The following GSTA3 variants were observed in gnomAD, a reference collection of about 807,000 sequenced individuals.
GSTA3 encodes the protein glutathione S-transferase alpha 3, also known as glutathione S-transferase A3.
A neutral mutation model predicts 23.1 loss-of-function variants in GSTA3; 16 were observed. That is an observed-to-expected ratio of 0.69 (90% CI 0.47 to 1.05). The LOEUF (loss-of-function observed/expected upper bound fraction) is 1.05. Ranked by LOEUF, GSTA3 falls within the 50% of genes least tolerant of loss-of-function variation. The probability of loss-of-function intolerance (pLI) is 0.00; values close to 1 mark genes in which losing one functional copy is unlikely to be tolerated. For synonymous variants in GSTA3, 122 were observed against 91.0 expected (o/e 1.34, Z -1.94); for missense variants, 319 against 263.6 (o/e 1.21, Z -1.46).
In GSTA3 at chr6:52,896,789, C is replaced by G. The variant is rs185262489; in HGVS notation, c.*17G>C. On this transcript the variant is annotated 3_prime_UTR_variant, in exon 7 of 7. Transcript: ENST00000211122. The stretch of plus-strand genomic sequence containing the variant: ...GAATATTGGTCTTGCATGTTCTTAG[C>G]CTCCATGGCTGCTTTATTAAAACCT... 273 of 1,613,544 alleles carry G rather than the reference C, an allele frequency of 1.7e-4. 3 individuals carry two copies. The Admixed American group carries it at 4.4e-3, about 26-fold the overall frequency.
intron 4 of GSTA3, 115 bp downstream of exon 4, chr6:52,902,231 C>A (rs1765711040): frequency 2.3e-6 from 3 of 1,326,254 alleles, no homozygotes; most frequent in Non-Finnish European, 3.2e-6. Flanking sequence ...AGTATACACG[C>A]CCAAGGCCCA....
At chr6:52,900,266 T>C (rs1431321961) in intron 4 of GSTA3, among the ~76,000 whole-genome samples, 191 bp from the exon 5 acceptor site, 5 of 135,398 alleles carry the variant, frequency 3.7e-5, no homozygotes, top group Non-Finnish European at 7.6e-5. Flanking sequence ...TTCTTTTTCT[T>C]TTTTTTTTTT....
intron 3 of GSTA3, among the ~76,000 whole-genome samples, chr6:52,903,358 C>G (rs555205896): frequency 1.3e-5 from 2 of 150,034 alleles, no homozygotes; most frequent in East Asian, 2.0e-4. Context: ...GAGGCCGAGG[C>G]GGGCGGATCA....
intron 5 of GSTA3, among the ~76,000 whole-genome samples, chr6:52,899,199 G>A (rs1433464028): frequency 6.6e-6 from 1 of 152,086 alleles, no homozygotes; most frequent in Non-Finnish European, 1.5e-5. Flanking sequence ...GTAGGTAATC[G>A]AAAAAGATTG....
At chr6:52,907,396 A>T (rs1765926702) in intron 1 of GSTA3, among the ~76,000 whole-genome samples, 1 of 144,996 alleles carries the variant, frequency 6.9e-6, no homozygotes, top group Non-Finnish European at 1.5e-5. Flanking sequence ...TAGTTCAACC[A>T]TTGTGGAAGT....
chr6:52,901,790 C>G (rs1765694920), intron 4 of GSTA3, among the ~76,000 whole-genome samples: 1 of 152,220 alleles, frequency 6.6e-6, no homozygotes. Context: ...TTCGATAAAT[C>G]TAGCTGCTTC....
intron 5 of GSTA3, 51 bp from the exon 6 acceptor site, chr6:52,898,007 A>G (rs1765521537): frequency 4.4e-6 from 7 of 1,606,720 alleles, no homozygotes; most frequent in Non-Finnish European, 6.0e-6. Context: ...CCAGGATGGG[A>G]CCCCTGCTTC....
intron 4 of GSTA3, 134 bp from the exon 5 acceptor site, chr6:52,900,209 T>A (rs1294822282): frequency 8.2e-6 from 5 of 608,710 alleles, no homozygotes; most frequent in Non-Finnish European, 1.4e-5. Flanking sequence ...TATATTCTAG[T>A]CATTATGCTC....
chr6:52,909,219 T>A (rs561399153), intron 1 of GSTA3, among the ~76,000 whole-genome samples: 3 of 152,306 alleles, frequency 2.0e-5, no homozygotes, highest in East Asian at 3.9e-4. Context: ...ATTGATCAAG[T>A]GGTGCTCCCA....
chr6:52,902,214 G>A, intron 4 of GSTA3, 132 bp downstream of exon 4: 1 of 1,032,508 alleles, frequency 9.7e-7, no homozygotes, highest in Non-Finnish European at 1.5e-6. Flanking sequence ...CTGCAATACT[G>A]GACCTCAGTA....
rs59410661 is a variant in GSTA3, at chr6:52,905,798, G to T, written c.37C>A (p.Arg13=). 3 of 1,609,922 alleles carry T rather than the reference G, an allele frequency of 1.9e-6. No individual in the cohort carries two copies. Among genetic ancestry groups the T allele is most frequent in the Non-Finnish European group, 2.5e-6 (3 of 1,177,372 alleles). Residue 13 remains arginine, a synonymous_variant, in exon 2 of 7, where the codon CGG becomes AGG. Coordinates refer to ENST00000211122, the MANE Select transcript of GSTA3 (RefSeq NM_000847.5). ...GKPKLHYFNG[R]GRMEPIRWLL... ...CACCGGATGGGCTCCATTCTGCCCC[G>T]TCCATTGAAGTAGTGAAGCTTGGGC...
intron 2 of GSTA3, among the ~76,000 whole-genome samples, chr6:52,904,860 C>T (rs1765839694): frequency 6.6e-6 from 1 of 152,146 alleles, no homozygotes; most frequent in South Asian, 2.1e-4. Flanking sequence ...GTTCTAGAAG[C>T]CCCCACCCCT....
chr6:52,898,102 G>T lies in GSTA3; in HGVS notation c.415-146C>A. ...GTCCAGGCCTTTGTTTATGTTCCCT[G>T]ATTGAGTGAGGGAGCAAGAATGTGG... On this transcript the variant is annotated intron_variant, in intron 5 of 6. Transcript: ENST00000211122. 3 of 889,396 alleles carry T rather than the reference G, an allele frequency of 3.4e-6. No individual in the cohort carries two copies. The Admixed American group carries it at 6.0e-5, about 18-fold the overall frequency. 55.1% of individuals were successfully genotyped at this position (889,396 alleles called of 1,614,324 possible). A position where few individuals can be genotyped will look rare whatever the true frequency, so the allele number is the denominator to read the frequency against.
intron 2 of GSTA3, 49 bp from the exon 3 acceptor site, chr6:52,903,776 T>C (rs1765785123): frequency 1.8e-6 from 2 of 1,120,776 alleles, no homozygotes; most frequent in African/African-American, 1.5e-5. Flanking sequence ...TTCCATAGCA[T>C]TACAGACTTG....
At chr6:52,904,403 A>C (rs1399572673) in intron 2 of GSTA3, among the ~76,000 whole-genome samples, 1 of 152,158 alleles carries the variant, frequency 6.6e-6, no homozygotes, top group African/African-American at 2.4e-5. Context: ...GTGACAATGA[A>C]ACAGGGTATT....
rs1162734809 is a variant in GSTA3 at position 52,898,836 on chromosome 6, T to C, written c.415-880A>G. 2.0e-5 allele frequency among the ~76,000 whole-genome samples: 3 copies of C among 152,324 alleles called. No homozygotes were observed. In the South Asian group the frequency reaches 6.2e-4, roughly 32 times the overall value. ...AAGGAGGGGAAGGGTTTCTTATCCC[T>C]GACGCACGTGGCCCCTGCTGCTGTG... On this transcript the variant is annotated intron_variant, in intron 5 of 6. Coordinates refer to ENST00000211122, the MANE Select transcript of GSTA3 (RefSeq NM_000847.5).
In GSTA3 at chr6:52,897,828, C is replaced by G. The variant is rs1373344166; in HGVS notation, c.543G>C (p.Leu181=). The G allele has an allele frequency of 1.9e-6, 3 of 1,613,518 alleles. No homozygotes were observed. Among genetic ancestry groups the G allele is most frequent in the Non-Finnish European group, 2.5e-6 (3 of 1,179,750 alleles). ...DSSLISNFPL[L]KALKTRISNL... ...TGAGGGCTGTGAAATGGGTCACCTT[C>G]AGCAGAGGGAAGTTGGAGATAAGGC... Residue 181 remains leucine (L), a synonymous_variant, in exon 6 of 7, where the codon CTG becomes CTC. Coordinates refer to ENST00000211122, the MANE Select transcript of GSTA3 (RefSeq NM_000847.5).
chr6:52,897,065 A>G, intron 6 of GSTA3, 137 bp from the exon 7 acceptor site: 1 of 1,207,242 alleles, frequency 8.3e-7, no homozygotes, highest in Non-Finnish European at 1.2e-6. Context: ...GCAGAAACAG[A>G]CACCCAGTGA....
At chr6:52,899,622 A>C (rs777767766) in intron 5 of GSTA3, among the ~76,000 whole-genome samples, 24 of 152,216 alleles carry the variant, frequency 1.6e-4, no homozygotes, top group Non-Finnish European at 2.9e-4. Flanking sequence ...CACAGACTCA[A>C]CAGCAACCTC....
Sources: allele counts gnomAD v4.1 joint callset (sites outside exome capture counted in the v4.1 genomes callset), GRCh38; gene constraint gnomAD v4.1.1; transcripts MANE v1.5; gene names NCBI Gene and HGNC (gene_info 2026-07-23, HGNC 2026-07-21).